ITGB3BP: variants seen among roughly 807,000 people sequenced by gnomAD.
The protein encoded by ITGB3BP is integrin subunit beta 3 binding protein.
In ITGB3BP, 27 loss-of-function variants were observed where a neutral mutation model predicts 29.1. The observed-to-expected ratio is 0.93, with a 90% confidence interval of 0.68 to 1.28. ITGB3BP has a LOEUF of 1.28. Among genes scored for constraint, ITGB3BP ranks in the 50% most tolerant of loss-of-function variants. The probability of loss-of-function intolerance (pLI) is 0.00; values close to 1 mark genes in which losing one functional copy is unlikely to be tolerated. For missense variants in ITGB3BP, 192 were observed against 200.2 expected (o/e 0.96, Z 0.25); for synonymous variants, 61 against 61.4 (o/e 0.99, Z 0.03).
At chr1:63,515,825 T>TTA (rs1646304930) in intron 1 of ITGB3BP, among the ~76,000 whole-genome samples, 1 of 48,594 alleles carries the variant, frequency 2.1e-5, no homozygotes, top group African/African-American at 8.5e-5. Flanking sequence ...GACTCCAACT[T>TTA]AAAAAAAAAA....
intron 2 of ITGB3BP, among the ~76,000 whole-genome samples, chr1:63,506,112 G>A (rs1646072493): frequency 6.6e-6 from 1 of 152,122 alleles, no homozygotes; most frequent in South Asian, 2.1e-4. Flanking sequence ...TTGACAGTGG[G>A]TTGTTAAAGT....
At chr1:63,509,975 C>T in intron 1 of ITGB3BP, 1 of 418,202 alleles carries the variant, frequency 2.4e-6, no homozygotes. Context: ...GGTGGATCAC[C>T]TGACGTCAGG....
chr1:63,468,944 G>C (rs1020672496), intron 4 of ITGB3BP, among the ~76,000 whole-genome samples: 4 of 151,728 alleles, frequency 2.6e-5, no homozygotes, highest in African/African-American at 9.7e-5. Context: ...CCAGCTACTC[G>C]GGAGCCTGAG....
intron 4 of ITGB3BP, among the ~76,000 whole-genome samples, chr1:63,471,677 C>T (rs1161464302): frequency 3.3e-5 from 5 of 152,154 alleles, no homozygotes; most frequent in Non-Finnish European, 4.4e-5. Flanking sequence ...AATAACAGTG[C>T]TATCTTTTGT....
At chr1:63,447,682 G>C in intron 7 of ITGB3BP, 1 of 459,606 alleles carries the variant, frequency 2.2e-6, no homozygotes, top group South Asian at 1.5e-5. Context: ...GGAAACAACA[G>C]GTGCTGGAGA....
intron 8 of ITGB3BP, among the ~76,000 whole-genome samples, chr1:63,445,841 T>C (rs986309666): frequency 1.3e-5 from 2 of 152,118 alleles, no homozygotes; most frequent in East Asian, 3.9e-4. Context: ...CCTCTCACCT[T>C]GGCCTCTCAC....
chr1:63,518,517 T>C (rs564454346), intron 1 of ITGB3BP, among the ~76,000 whole-genome samples: 1 of 152,152 alleles, frequency 6.6e-6, no homozygotes, highest in African/African-American at 2.4e-5. Flanking sequence ...ATTTACCCTT[T>C]CATTCTGGAT....
At chr1:63,446,023 C>A (rs866010496) in intron 8 of ITGB3BP, among the ~76,000 whole-genome samples, 31 of 152,294 alleles carry the variant, frequency 2.0e-4, no homozygotes, top group African/African-American at 7.2e-4. Flanking sequence ...CCTGCCTCAG[C>A]CTCCTGAGTA....
At chr1:63,479,837 T>C (rs1645406775) in intron 3 of ITGB3BP, among the ~76,000 whole-genome samples, 1 of 152,142 alleles carries the variant, frequency 6.6e-6, no homozygotes, top group Non-Finnish European at 1.5e-5. Context: ...TCTTTATCCA[T>C]TCATGTGTTC....
At chr1:63,483,330 A>C (rs1200337668) in intron 3 of ITGB3BP, among the ~76,000 whole-genome samples, 1 of 152,196 alleles carries the variant, frequency 6.6e-6, no homozygotes, top group East Asian at 1.9e-4. Flanking sequence ...ATATTTGACT[A>C]GTTCTTTCAC....
Position 63,455,010 on chromosome 1 carries a change from T to C in ITGB3BP, c.255-42A>G, listed in dbSNP as rs777818727. 8.3e-6 allele frequency: 8 copies of C among 961,848 alleles called. No individual in the cohort carries two copies. In the East Asian group the frequency reaches 1.2e-4, roughly 14 times the overall value. 59.6% of individuals were successfully genotyped at this position (961,848 alleles called of 1,614,324 possible). On this transcript the variant is annotated intron_variant, in intron 4 of 8. Transcript: ENST00000271002. ...AGACAATACTTAGCAAGGGGAAGCA[T>C]TTAAACATGGCAAATCATTTTCAGA...
intron 8 of ITGB3BP, 139 bp downstream of exon 8, chr1:63,446,667 C>G (rs1644794633): frequency 1.5e-6 from 1 of 648,542 alleles, no homozygotes; most frequent in African/African-American, 1.8e-5. Context: ...ATAAGTTCAA[C>G]TAAAGCTCCA....
rs1644899847 is a variant in ITGB3BP, at chr1:63,454,114, C to T, written c.428-140G>A. 1 of 476,234 alleles carries T rather than the reference C, an allele frequency of 2.1e-6. No homozygotes were observed. Among genetic ancestry groups the T allele is most frequent in the South Asian group, 4.6e-5 (1 of 21,754 alleles). 29.5% of individuals were successfully genotyped at this position (476,234 alleles called of 1,614,324 possible). ...AAGTACCAAATATAAAATATAATAC[C>T]TTATTATATATTATAAAAATGGGCA... On this transcript the variant is annotated intron_variant, in intron 6 of 8. Coordinates refer to ENST00000271002, the MANE Select transcript of ITGB3BP (RefSeq NM_014288.5). This position sits in a 1 kb window ranked among gnomAD's most constrained non-coding sequence, Gnocchi z 4.1.
At chr1:63,522,620 G>A (rs1223458993) in intron 1 of ITGB3BP, among the ~76,000 whole-genome samples, 1 of 152,080 alleles carries the variant, frequency 6.6e-6, no homozygotes, top group Non-Finnish European at 1.5e-5. Flanking sequence ...TAGAGATCAT[G>A]CAGTACAAAC....
intron 2 of ITGB3BP, among the ~76,000 whole-genome samples, chr1:63,501,620 TAGG>T (rs1645931794): frequency 6.6e-6 from 1 of 151,946 alleles, no homozygotes; most frequent in African/African-American, 2.4e-5. Context: ...CCCAGCACTC[TAGG>T]AGGCCGAGAT....
upstream of ITGB3BP, among the ~76,000 whole-genome samples, chr1:63,525,321 A>G (rs1646568506): frequency 6.6e-6 from 1 of 152,166 alleles, no homozygotes; most frequent in Non-Finnish European, 1.5e-5. Context: ...ACATATGTAT[A>G]TATCTAAAAT....
intron 3 of ITGB3BP, among the ~76,000 whole-genome samples, chr1:63,481,492 G>C (rs1645435970): frequency 6.6e-6 from 1 of 151,950 alleles, no homozygotes; most frequent in Non-Finnish European, 1.5e-5. Context: ...ATATACAAAA[G>C]CACTATAGAG....
intron 1 of ITGB3BP, among the ~76,000 whole-genome samples, chr1:63,516,727 A>AT (rs1557658355): frequency 1.3e-5 from 2 of 149,664 alleles, no homozygotes; most frequent in East Asian, 3.9e-4. Flanking sequence ...AAAAAAAAAA[A>AT]GAAAAAAGAA....
upstream of ITGB3BP, among the ~76,000 whole-genome samples, chr1:63,524,481 A>T (rs983230934): frequency 2.0e-5 from 3 of 152,208 alleles, no homozygotes; most frequent in African/African-American, 7.2e-5. Flanking sequence ...TAAATGATCT[A>T]TATAATTCGA....
Sources: allele counts gnomAD v4.1 joint callset (sites outside exome capture counted in the v4.1 genomes callset), GRCh38; gene constraint gnomAD v4.1.1; non-coding constraint Gnocchi (gnomAD v3.1); transcripts MANE v1.5; gene names NCBI Gene and HGNC (gene_info 2026-07-23, HGNC 2026-07-21).